Variants in FAM168B observed in about 807,000 individuals in gnomAD.
FAM168B encodes the protein myelin-associated neurite-outgrowth inhibitor.
FAM168B carries 19 observed loss-of-function variants against 21.8 expected under a neutral mutation model. The ratio of observed to expected loss-of-function variants is 0.87; its 90% CI spans 0.61 to 1.28. The LOEUF is 1.28. Among genes scored for constraint, FAM168B ranks in the 50% most tolerant of loss-of-function variants. The probability of loss-of-function intolerance (pLI) is 0.00; values close to 1 mark genes in which losing one functional copy is unlikely to be tolerated. For synonymous variants in FAM168B, 126 were observed against 104.8 expected (o/e 1.20, Z -1.24); for missense variants, 233 against 263.1 (o/e 0.89, Z 0.79).
At chr2:131,087,732 A>T (rs1357872089) in intron 1 of FAM168B, among the ~76,000 whole-genome samples, 1 of 152,100 alleles carries the variant, frequency 6.6e-6, no homozygotes, top group East Asian at 1.9e-4. Context: ...CTCCTGAGCA[A>T]CTCTGAGGTA....
chr2:131,048,732 G>C lies in FAM168B; in HGVS notation c.*3733C>G, dbSNP rs950032922. 1 of 987,398 alleles carries C rather than the reference G, an allele frequency of 1.0e-6. No individual in the cohort carries two copies. The highest frequency in any genetic ancestry group is 1.7e-5 in the African/African-American group (1 of 57,380). The allele number at this position is 987,398 out of a possible 1,614,324, so 61.2% of individuals were successfully genotyped here. On this transcript the variant is annotated 3_prime_UTR_variant, in exon 7 of 7. Coordinates refer to ENST00000389915, the MANE Select transcript of FAM168B (RefSeq NM_001009993.4). ...TCACAAATGCAGAGGTACTAGAGGG[G>C]AGAAATACGTGCTCTGCCTTCCCCC...
intron 1 of FAM168B, among the ~76,000 whole-genome samples, chr2:131,091,545 G>A (rs375043067): frequency 1.0e-4 from 15 of 150,464 alleles, no homozygotes; most frequent in East Asian, 9.8e-4. Context: ...TACTCGGGAG[G>A]CTGAGACAGG....
rs1363531660 is a variant in FAM168B at position 131,051,561 on chromosome 2, C to G, written c.*904G>C. Reference sequence around the variant, plus strand: ...ACCTCCTGCAAGCATGGCTGTTTCTCTTTCACATTTCTTCCATCCCAGGAA... The same window carrying G: ...ACCTCCTGCAAGCATGGCTGTTTCTGTTTCACATTTCTTCCATCCCAGGAA... On this transcript the variant is annotated 3_prime_UTR_variant, in exon 7 of 7. Coordinates refer to ENST00000389915, the MANE Select transcript of FAM168B (RefSeq NM_001009993.4). The G allele has an allele frequency of 6.1e-5, 60 of 985,064 alleles. No individual in the cohort carries two copies. Among genetic ancestry groups the G allele is most frequent in the Non-Finnish European group, 6.7e-5 (56 of 829,908 alleles). 61.0% of individuals were successfully genotyped at this position (985,064 alleles called of 1,614,324 possible).
intron 3 of FAM168B, among the ~76,000 whole-genome samples, chr2:131,071,273 G>A (rs1261661514): frequency 6.6e-6 from 1 of 152,032 alleles, no homozygotes; most frequent in Non-Finnish European, 1.5e-5. Flanking sequence ...CCACTGCTGC[G>A]GCAGAAAGGC....
At chr2:131,081,775 C>G (rs1022998338) in intron 2 of FAM168B, among the ~76,000 whole-genome samples, 4 of 152,142 alleles carry the variant, frequency 2.6e-5, no homozygotes, top group Non-Finnish European at 1.5e-5. Flanking sequence ...GACATTAGTT[C>G]AAAGGCCAAG....
chr2:131,090,696 A>G (rs1693971595), intron 1 of FAM168B, among the ~76,000 whole-genome samples: 1 of 152,146 alleles, frequency 6.6e-6, no homozygotes, highest in South Asian at 2.1e-4. Flanking sequence ...TGAGACTCCC[A>G]TCTCTACAAA....
chr2:131,072,527 C>T (rs567487221), intron 2 of FAM168B, among the ~76,000 whole-genome samples: 6 of 151,414 alleles, frequency 4.0e-5, no homozygotes, highest in East Asian at 2.0e-4. Flanking sequence ...AGTGCAGTGG[C>T]GCGACCTCGG....
intron 5 of FAM168B, among the ~76,000 whole-genome samples, chr2:131,053,724 A>T (rs775316644): frequency 6.6e-6 from 1 of 152,104 alleles, no homozygotes; most frequent in Non-Finnish European, 1.5e-5. Flanking sequence ...AAAAAGTTTT[A>T]AAATTAGCCA....
intron 2 of FAM168B, among the ~76,000 whole-genome samples, chr2:131,081,265 T>A (rs1233234035): frequency 6.6e-6 from 1 of 152,206 alleles, no homozygotes; most frequent in Non-Finnish European, 1.5e-5. Flanking sequence ...TACCTGATGG[T>A]TCTTCTCCTG....
rs887172431 is a variant in FAM168B at position 131,050,101 on chromosome 2, G to C, written c.*2364C>G. 5 of 985,360 alleles carry C rather than the reference G, an allele frequency of 5.1e-6. No homozygotes were observed. The highest frequency in any genetic ancestry group is 3.5e-5 in the African/African-American group (2 of 57,244). 61.0% of individuals were successfully genotyped at this position (985,360 alleles called of 1,614,324 possible). A position where few individuals can be genotyped will look rare whatever the true frequency, so the allele number is the denominator to read the frequency against. On this transcript the variant is annotated 3_prime_UTR_variant, in exon 7 of 7. Transcript: ENST00000389915. ...GGTTAAGTTACAGGGAGGAAGAAAA[G>C]TGTTTATGAAGCTGATGTAAATGGC... is the stretch of plus-strand genomic sequence containing the variant.
At chr2:131,076,876 A>G (rs1212985301) in intron 2 of FAM168B, among the ~76,000 whole-genome samples, 1 of 151,364 alleles carries the variant, frequency 6.6e-6, no homozygotes, top group Non-Finnish European at 1.5e-5. Flanking sequence ...ACAGAATTGC[A>G]AACTACAACT....
intron 5 of FAM168B, among the ~76,000 whole-genome samples, chr2:131,053,755 G>C (rs1691841400): frequency 6.6e-6 from 1 of 152,090 alleles, no homozygotes; most frequent in Non-Finnish European, 1.5e-5. Flanking sequence ...CATACTTATA[G>C]TCCCAGCTAC....
rs1360286813 is a variant in FAM168B, at chr2:131,086,873, G to A, written c.-11-4216C>T. On this transcript the variant is annotated intron_variant, in intron 1 of 6. Coordinates refer to ENST00000389915, the MANE Select transcript of FAM168B (RefSeq NM_001009993.4). ...GAGGTCAGGAGATCGAGACCATCCTGGCTAACACGGTGAAACCCCGTCTCT... is the reference window on the plus strand; with the variant it reads ...GAGGTCAGGAGATCGAGACCATCCTAGCTAACACGGTGAAACCCCGTCTCT... Among the ~76,000 whole-genome samples, 3 of 127,732 alleles carry A rather than the reference G, an allele frequency of 2.3e-5. 1 individual carries two copies. Among genetic ancestry groups the A allele is most frequent in the Non-Finnish European group, 4.5e-5 (3 of 65,946 alleles). The allele number at this position is 127,732 out of a possible 152,430, so 83.8% of individuals were successfully genotyped here. A position where few individuals can be genotyped will look rare whatever the true frequency, so the allele number is the denominator to read the frequency against.
rs945043048 is a variant in FAM168B, at chr2:131,049,973, G to A, written c.*2492C>T. ...TACCTGATATCTACCTTTCGTATCT[G>A]ACAGCTGACGTCCTAAAAATTTCAA... On this transcript the variant is annotated 3_prime_UTR_variant, in exon 7 of 7. Coordinates refer to ENST00000389915, the MANE Select transcript of FAM168B (RefSeq NM_001009993.4). 1.0e-6 allele frequency: 1 copy of A among 985,338 alleles called. No homozygotes were observed. Among genetic ancestry groups the A allele is most frequent in the Non-Finnish European group, 1.2e-6 (1 of 829,948 alleles). The allele number at this position is 985,338 out of a possible 1,614,324, so 61.0% of individuals were successfully genotyped here.
At chr2:131,059,114 CAGAG>C (rs1399636021) in intron 3 of FAM168B, among the ~76,000 whole-genome samples, 1 of 152,166 alleles carries the variant, frequency 6.6e-6, no homozygotes, top group Middle Eastern at 3.2e-3. Flanking sequence ...TGTACCAACA[CAGAG>C]AGGCTATTCA....
chr2:131,079,341 A>G (rs1000703582), intron 2 of FAM168B, among the ~76,000 whole-genome samples: 1 of 152,178 alleles, frequency 6.6e-6, no homozygotes, highest in East Asian at 1.9e-4. Context: ...GGTGGCACGC[A>G]CCACATACCT....
chr2:131,055,512 G>C (rs1203545272), intron 4 of FAM168B, 41 bp downstream of exon 4: 1 of 1,599,220 alleles, frequency 6.3e-7, no homozygotes, highest in Non-Finnish European at 8.5e-7. Flanking sequence ...CGCCCAGGTG[G>C]TATCACCCCT....
chr2:131,090,649 T>C (rs1693968832), intron 1 of FAM168B, among the ~76,000 whole-genome samples: 1 of 152,004 alleles, frequency 6.6e-6, no homozygotes, highest in Non-Finnish European at 1.5e-5. Flanking sequence ...GAGGACTGCT[T>C]GAGCCCAGAA....
At chr2:131,080,058 A>G (rs1466058824) in intron 2 of FAM168B, among the ~76,000 whole-genome samples, 1 of 152,014 alleles carries the variant, frequency 6.6e-6, no homozygotes, top group Non-Finnish European at 1.5e-5. Context: ...CAGAGGTTGC[A>G]GTGAGCCAAG....
Sources: gnomAD v4.1 joint callset for allele counts (sites outside exome capture counted in the v4.1 genomes callset) on GRCh38, gnomAD v4.1.1 for gene constraint, MANE v1.5 for transcripts, NCBI Gene and HGNC (gene_info 2026-07-23, HGNC 2026-07-21) for gene names.